The following ATM variants were observed in gnomAD, a reference collection of about 807,000 sequenced individuals.
ATM encodes the protein serine-protein kinase ATM.
ATM carries 308 observed loss-of-function variants against 387.0 expected under a neutral mutation model. The observed-to-expected ratio is 0.80, with a 90% confidence interval of 0.73 to 0.87. ATM has a LOEUF of 0.87. ATM is among the 40% of genes least tolerant of loss of function. The pLI is 0.00. For synonymous variants in ATM, 1,156 were observed against 1,187.3 expected (o/e 0.97, Z 0.54); for missense variants, 3,312 against 3,560.9 (o/e 0.93, Z 1.78).
chr11:108,266,312 T>A (rs1184041907), intron 16 of ATM, among the ~76,000 whole-genome samples: 1 of 151,858 alleles, frequency 6.6e-6, no homozygotes, highest in Non-Finnish European at 1.5e-5. Context: ...CCATAAAAAA[T>A]GATGAGTTCA....
chr11:108,254,553 T>A (rs1459325977), intron 13 of ATM, among the ~76,000 whole-genome samples: 1 of 152,240 alleles, frequency 6.6e-6, no homozygotes, highest in Non-Finnish European at 1.5e-5. Context: ...TTGCATTTTT[T>A]AAAATGTGAA....
chr11:108,227,013 A>G (rs2078771033), intron 1 of ATM: 1 of 152,050 alleles, frequency 6.6e-6, no homozygotes, highest in African/African-American at 2.4e-5. Flanking sequence ...AAAAGTAAAT[A>G]TACTTCCCCC....
At chr11:108,277,851 T>C (rs1004214237) in intron 22 of ATM, among the ~76,000 whole-genome samples, 12 of 152,308 alleles carry the variant, frequency 7.9e-5, no homozygotes, top group Middle Eastern at 6.8e-3. Context: ...CCTTGTTTTA[T>C]TTTTCTCTAG....
In ATM at chr11:108,253,867, T is replaced by C. The variant is rs1555073179; in HGVS notation, c.1952T>C (p.Leu651Pro). 6.2e-7 allele frequency: 1 copy of C among 1,614,034 alleles called. No individual in the cohort carries two copies. The highest frequency in any genetic ancestry group is 8.5e-7 in the Non-Finnish European group (1 of 1,179,950). The change falls in exon 13 of 63, where the codon CTA becomes CCA. Residue 651 changes from leucine (L) to proline (P), a missense_variant. Transcript: ENST00000675843. ...EELSFSEVEE[L>P]FLQTTFDKMD... ...CTTTCATTCTCAGAAGTAGAAGAACTATTTCTTCAGACAACTTTTGACAAG... is the reference window on the plus strand; with the variant it reads ...CTTTCATTCTCAGAAGTAGAAGAACCATTTCTTCAGACAACTTTTGACAAG...
chr11:108,228,314 T>C (rs977284205), intron 3 of ATM, among the ~76,000 whole-genome samples: 4 of 152,160 alleles, frequency 2.6e-5, no homozygotes, highest in Middle Eastern at 3.2e-3. Flanking sequence ...GTGTATGAAT[T>C]TGGTTAAAAA....
In ATM at chr11:108,365,386, C is replaced by T. The variant is rs876658991; in HGVS notation, c.9049C>T (p.Leu3017=). 6.8e-6 allele frequency: 11 copies of T among 1,613,996 alleles called. No individual in the cohort carries two copies. Among genetic ancestry groups the T allele is most frequent in the Non-Finnish European group, 9.3e-6 (11 of 1,180,040 alleles). Residue 3017 remains leucine (L), a synonymous_variant, in exon 63 of 63, where the codon CTG becomes TTG. Coordinates refer to ENST00000675843, the MANE Select transcript of ATM (RefSeq NM_000051.4). ...TGTCTTAATGAGACTACAAGAGAAA[C>T]TGAAAGGAGTGGAAGAAGGCACTGT... ...ERVLMRLQEK[L]KGVEEGTVLS...
chr11:108,346,277 C>T (rs1390512951), intron 58 of ATM, among the ~76,000 whole-genome samples: 2 of 151,820 alleles, frequency 1.3e-5, no homozygotes, highest in African/African-American at 4.8e-5. Flanking sequence ...TATTTTTGTT[C>T]TTTTGCATAT....
Position 108,310,161 on chromosome 11 carries a change from C to T in ATM, c.5764C>T (p.Pro1922Ser), listed in dbSNP as rs587781865. ...ACATTATATCTCATTTTTCTTTAGA[C>T]CTTCTTCAGGAACAATTTTTAATGA... ...VVDYMRRQKR[P>S]SSGTIFNDAF... The change falls in exon 39 of 63, where the codon CCT becomes TCT. Residue 1922 changes from proline to serine, a missense_variant and splice_region_variant. Pro to Ser is a moderately conservative substitution (Grantham distance 74). Transcript: ENST00000675843. The T allele has an allele frequency of 1.3e-5, 21 of 1,612,796 alleles. No homozygotes were observed. The highest frequency in any genetic ancestry group is 1.8e-5 in the Non-Finnish European group (21 of 1,179,302).
At chr11:108,353,659 A>G (rs2089475456) in intron 59 of ATM, 107 bp from the exon 60 acceptor site, 1 of 876,210 alleles carries the variant, frequency 1.1e-6, no homozygotes, top group African/African-American at 1.6e-5. Context: ...GTGTTCATAG[A>G]ACGTAGGTAA....
intron 22 of ATM, among the ~76,000 whole-genome samples, chr11:108,273,291 T>C (rs2081714744): frequency 6.6e-6 from 1 of 151,668 alleles, no homozygotes; most frequent in Non-Finnish European, 1.5e-5. Flanking sequence ...TGAGGATCTT[T>C]TATATTTGAG....
intron 5 of ATM, among the ~76,000 whole-genome samples, chr11:108,243,528 A>G (rs1253317527): frequency 6.6e-6 from 1 of 152,082 alleles, no homozygotes; most frequent in Non-Finnish European, 1.5e-5. Flanking sequence ...CATGAGAATC[A>G]CTTGAACCCA....
intron 16 of ATM, among the ~76,000 whole-genome samples, chr11:108,263,449 C>G (rs1000049119): frequency 5.0e-5 from 7 of 139,858 alleles, no homozygotes; most frequent in Non-Finnish European, 9.4e-5. Context: ...AGAACAAAGA[C>G]ACAACATACC....
chr11:108,361,764 G>C (rs996231677), intron 61 of ATM, among the ~76,000 whole-genome samples: 4 of 152,036 alleles, frequency 2.6e-5, no homozygotes, highest in Admixed American at 2.0e-4. Flanking sequence ...GCTGAAACTG[G>C]ATCCCTTCCT....
rs750614487 is a variant in ATM at position 108,320,005 on chromosome 11, A to G, written c.6399A>G (p.Gln2133=). ...SYHESLYNAL[Q]SLRDREFSTF... is the part of the protein sequence containing the mutation. Reference sequence around the variant, plus strand: ...ATGAATCATTGTACAATGCTCTACAATCTCTAAGAGACAGAGAATTCTCTA... The same window carrying G: ...ATGAATCATTGTACAATGCTCTACAGTCTCTAAGAGACAGAGAATTCTCTA... The change falls in exon 44 of 63, where the codon CAA becomes CAG. Residue 2133 remains glutamine, a synonymous_variant. Coordinates refer to ENST00000675843, the MANE Select transcript of ATM (RefSeq NM_000051.4). 2 of 1,612,798 alleles carry G rather than the reference A, an allele frequency of 1.2e-6. No individual in the cohort carries two copies. Among genetic ancestry groups the G allele is most frequent in the Non-Finnish European group, 1.7e-6 (2 of 1,178,938 alleles).
At chr11:108,291,928 A>G (rs1275679546) in intron 29 of ATM, among the ~76,000 whole-genome samples, 1 of 152,054 alleles carries the variant, frequency 6.6e-6, no homozygotes, top group Non-Finnish European at 1.5e-5. Flanking sequence ...TGAATATACT[A>G]ATTTCCCAAA....
intron 38 of ATM, 65 bp from the exon 39 acceptor site, chr11:108,310,095 A>G (rs1449768216): frequency 1.3e-6 from 2 of 1,537,094 alleles, no homozygotes; most frequent in Non-Finnish European, 8.9e-7. Flanking sequence ...TTCTATATCA[A>G]CATGCTTTTA....
intron 11 of ATM, 63 bp from the exon 12 acceptor site, chr11:108,252,754 G>A (rs1406925137): frequency 1.7e-6 from 2 of 1,155,712 alleles, no homozygotes; most frequent in Non-Finnish European, 2.6e-6. Context: ...GGATGTTAAA[G>A]TTTAAAGTAT....
chr11:108,285,524 A>T (rs1023538493), intron 26 of ATM, among the ~76,000 whole-genome samples: 5 of 152,188 alleles, frequency 3.3e-5, no homozygotes, highest in African/African-American at 1.2e-4. Context: ...TGGTCACCCC[A>T]CATTTATGTA....
Position 108,299,701 on chromosome 11 carries a change from T to G in ATM, c.5006-13T>G, listed in dbSNP as rs776312790. 6.2e-7 allele frequency: 1 copy of G among 1,612,952 alleles called. No individual in the cohort carries two copies. Among genetic ancestry groups the G allele is most frequent in the East Asian group, 2.2e-5 (1 of 44,838 alleles). Reference sequence around the variant, plus strand: ...TACCTATGACTCTACTGAAATAGAATTTCTATATGTAGAGGCTGTTGGAAG... The same window carrying G: ...TACCTATGACTCTACTGAAATAGAAGTTCTATATGTAGAGGCTGTTGGAAG... On this transcript the variant is annotated splice_polypyrimidine_tract_variant and intron_variant, in intron 33 of 62. Coordinates refer to ENST00000675843, the MANE Select transcript of ATM (RefSeq NM_000051.4).
Sources: allele counts gnomAD v4.1 joint callset (sites outside exome capture counted in the v4.1 genomes callset), GRCh38; gene constraint gnomAD v4.1.1; transcripts MANE v1.5; gene names NCBI Gene and HGNC (gene_info 2026-07-23, HGNC 2026-07-21).